SCFD1: variants seen among roughly 807,000 people sequenced by gnomAD.
The protein encoded by SCFD1 is sec1 family domain-containing protein 1.
Under a neutral mutation model 103.2 loss-of-function variants are expected in SCFD1, and 37 were observed. That is an observed-to-expected ratio of 0.36 (90% CI 0.28 to 0.47). The LOEUF is 0.47. Ranked by LOEUF, SCFD1 falls within the 20% of genes least tolerant of loss-of-function variation. The pLI is 1.00. For synonymous variants in SCFD1, 264 were observed against 245.0 expected (o/e 1.08, Z -0.73); for missense variants, 639 against 761.2 (o/e 0.84, Z 1.89).
At chr14:30,705,150 G>T (rs1410020725) in intron 17 of SCFD1, among the ~76,000 whole-genome samples, 1 of 152,138 alleles carries the variant, frequency 6.6e-6, no homozygotes, top group Non-Finnish European at 1.5e-5. Context: ...AAAATCTGTG[G>T]TATATAATAT....
chr14:30,639,227 T>C (rs1331271074), intron 5 of SCFD1, among the ~76,000 whole-genome samples: 1 of 152,096 alleles, frequency 6.6e-6, no homozygotes, highest in Non-Finnish European at 1.5e-5. Context: ...CCTCAAACAG[T>C]CCTCCCACCT....
intron 7 of SCFD1, among the ~76,000 whole-genome samples, chr14:30,645,100 A>G (rs1432120718): frequency 6.6e-6 from 1 of 152,126 alleles, no homozygotes; most frequent in Non-Finnish European, 1.5e-5. Flanking sequence ...TTCTTTCCCT[A>G]TTGCTTGTTA....
Position 30,622,362 on chromosome 14 carries a change from A to G in SCFD1, c.24A>G (p.Thr8=), listed in dbSNP as rs1362512913. 3 of 1,547,116 alleles carry G rather than the reference A, an allele frequency of 1.9e-6. No homozygotes were observed. Among genetic ancestry groups the G allele is most frequent in the Non-Finnish European group, 1.7e-6 (2 of 1,144,414 alleles). The change falls in exon 1 of 25, where the codon ACA becomes ACG. Residue 8 remains threonine (T), a synonymous_variant. Coordinates refer to ENST00000458591, the MANE Select transcript of SCFD1 (RefSeq NM_016106.4). MAAAAAA[T]AAAAASIRER... ...AGATGGCGGCGGCGGCGGCAGCGAC[A>G]GCAGCAGCAGCAGCCAGTATTCGGG...
chr14:30,694,711 A>T (rs1275726029), intron 14 of SCFD1, 62 bp from the exon 15 acceptor site: 1 of 1,509,738 alleles, frequency 6.6e-7, no homozygotes, highest in African/African-American at 1.4e-5. Context: ...TTATAAGGTG[A>T]GTAGATCATT....
intron 10 of SCFD1, among the ~76,000 whole-genome samples, chr14:30,656,752 T>G (rs997058771): frequency 2.0e-5 from 3 of 151,258 alleles, no homozygotes; most frequent in African/African-American, 7.3e-5. Context: ...AAAAAAAAAA[T>G]CAGGTTCCCA....
intron 14 of SCFD1, among the ~76,000 whole-genome samples, chr14:30,690,811 C>T (rs904754414): frequency 2.0e-5 from 3 of 152,222 alleles, no homozygotes; most frequent in African/African-American, 4.8e-5. Context: ...GGAGCTGTTC[C>T]TATTCGGCCA....
At chr14:30,642,239 C>T (rs1315760191) in intron 6 of SCFD1, among the ~76,000 whole-genome samples, 2 of 151,986 alleles carry the variant, frequency 1.3e-5, no homozygotes, top group Non-Finnish European at 2.9e-5. Context: ...AGGTGTGTGC[C>T]ACCACACCTG....
At position 30,681,337 on chromosome 14, in the gene SCFD1, G is replaced by A. The variant is rs1278953901; in HGVS notation, c.1242+6272G>A. ...AATACCACGGAAATATCATAAAGCA[G>A]TTTTCAGTATTTCGTGATAATAAGG... On this transcript the variant is annotated intron_variant, in intron 14 of 24. Transcript: ENST00000458591. 8.6e-5 allele frequency among the ~76,000 whole-genome samples: 13 copies of A among 151,974 alleles called. No individual in the cohort carries two copies. In the East Asian group the frequency reaches 2.3e-3, roughly 27 times the overall value.
At position 30,643,323 on chromosome 14, in the gene SCFD1, C is replaced by A; in HGVS notation, c.531C>A (p.Asn177Lys). The A allele has an allele frequency of 6.2e-7, 1 of 1,609,372 alleles. No individual in the cohort carries two copies. The highest frequency in any genetic ancestry group is 8.5e-7 in the Non-Finnish European group (1 of 1,175,816). ...NKELVSYRAI[N>K]RPDITDTEME... ...TTTCCTATGTCATTTTAGCCATTAA[C>A]AGGCCAGATATCACAGACACGGAAA... The change falls in exon 7 of 25, where the codon AAC becomes AAA. Residue 177 changes from asparagine to lysine, a missense_variant. By Grantham distance (94) the Asn-to-Lys change is moderately conservative. Coordinates refer to ENST00000458591, the MANE Select transcript of SCFD1 (RefSeq NM_016106.4).
intron 11 of SCFD1, among the ~76,000 whole-genome samples, chr14:30,670,830 A>G (rs1011893634): frequency 3.9e-5 from 6 of 152,060 alleles, no homozygotes; most frequent in Non-Finnish European, 5.9e-5. Flanking sequence ...AATTTATTCA[A>G]AGTACATTAG....
chr14:30,693,037 G>A (rs1890430591), intron 14 of SCFD1, among the ~76,000 whole-genome samples: 2 of 152,044 alleles, frequency 1.3e-5, no homozygotes, highest in South Asian at 2.1e-4. Flanking sequence ...ACTTTACTGT[G>A]TATCAATTTT....
chr14:30,642,804 G>A (rs1885415627), intron 6 of SCFD1, among the ~76,000 whole-genome samples: 1 of 152,122 alleles, frequency 6.6e-6, no homozygotes, highest in Non-Finnish European at 1.5e-5. Context: ...CTGATATTAA[G>A]GTAGTTTGTT....
At chr14:30,664,722 C>G (rs1479116695) in intron 10 of SCFD1, among the ~76,000 whole-genome samples, 1 of 152,154 alleles carries the variant, frequency 6.6e-6, no homozygotes, top group East Asian at 1.9e-4. Flanking sequence ...AGCTGAAAAC[C>G]ATGGCACGAG....
intron 2 of SCFD1, 127 bp downstream of exon 2, chr14:30,628,406 T>C (rs995365119): frequency 3.2e-5 from 19 of 601,978 alleles, no homozygotes; most frequent in Non-Finnish European, 5.0e-5. Context: ...TTTATCCTTA[T>C]TTAACATGAT....
chr14:30,714,733 G>C (rs999681808), intron 19 of SCFD1, among the ~76,000 whole-genome samples: 2 of 152,142 alleles, frequency 1.3e-5, no homozygotes, highest in African/African-American at 4.8e-5. Context: ...TAAACAATCA[G>C]ATTGAATGTT....
intron 3 of SCFD1, among the ~76,000 whole-genome samples, chr14:30,632,314 G>GTTGTATAATGAGACAGTATAA (rs1884257974): frequency 2.0e-5 from 3 of 152,026 alleles, no homozygotes; most frequent in Non-Finnish European, 4.4e-5. Flanking sequence ...TGTATAATGA[G>GTTGTATAATGAGACAGTATAA]CATTTGTTAA....
intron 3 of SCFD1, among the ~76,000 whole-genome samples, chr14:30,632,403 T>C (rs149612869): frequency 7.5e-4 from 114 of 152,316 alleles, no homozygotes; most frequent in African/African-American, 2.4e-3. Flanking sequence ...ACTGATGATA[T>C]GTCATAACTG....
At chr14:30,730,166 T>C (rs1298417679) in intron 23 of SCFD1, among the ~76,000 whole-genome samples, 1 of 152,258 alleles carries the variant, frequency 6.6e-6, no homozygotes, top group Admixed American at 6.5e-5. Flanking sequence ...GCTTCATCTA[T>C]GTCCCTACAA....
intron 19 of SCFD1, among the ~76,000 whole-genome samples, chr14:30,711,359 G>A (rs1156936043): frequency 6.6e-6 from 1 of 152,196 alleles, no homozygotes; most frequent in Admixed American, 6.5e-5. Flanking sequence ...TGTAACCCCA[G>A]TACTTTGGGA....
Sources: allele counts gnomAD v4.1 joint callset (sites outside exome capture counted in the v4.1 genomes callset), GRCh38; gene constraint gnomAD v4.1.1; transcripts MANE v1.5; gene names NCBI Gene and HGNC (gene_info 2026-07-23, HGNC 2026-07-21).